The following SYN3 variants were observed in gnomAD, a reference collection of about 807,000 sequenced individuals.
SYN3 encodes the protein synapsin-3.
Under a neutral mutation model 65.8 loss-of-function variants are expected in SYN3, and 35 were observed. The ratio of observed to expected loss-of-function variants is 0.53; its 90% CI spans 0.41 to 0.70. SYN3 has a LOEUF of 0.70. Ranked by LOEUF, SYN3 falls within the 30% of genes least tolerant of loss-of-function variation. SYN3 has a pLI of 0.00. For synonymous variants in SYN3, 270 were observed against 292.9 expected (o/e 0.92, Z 0.80); for missense variants, 680 against 749.0 (o/e 0.91, Z 1.08).
chr22:32,793,500 T>A (rs2046365654), intron 6 of SYN3, among the ~76,000 whole-genome samples: 1 of 152,210 alleles, frequency 6.6e-6, no homozygotes, highest in East Asian at 1.9e-4. Context: ...TTCCACCAAC[T>A]ATTATTTTCT....
At chr22:32,754,445 C>A (rs115371528) in intron 6 of SYN3, among the ~76,000 whole-genome samples, 1,564 of 149,248 alleles carry the variant, frequency 0.01, 30 homozygotes, top group African/African-American at 0.036. Context: ...AGCCACTGCA[C>A]CTGGCCTCTT....
intron 7 of SYN3, among the ~76,000 whole-genome samples, chr22:32,581,792 C>CTTTTCTTTTTTTT (rs2058948066): frequency 1.2e-5 from 1 of 84,320 alleles, no homozygotes; most frequent in African/African-American, 4.5e-5. Flanking sequence ...TTCTTTCTTT[C>CTTTTCTTTTTTTT]TTTTTTTTTT....
chr22:32,760,774 G>C (rs939316278), intron 6 of SYN3, among the ~76,000 whole-genome samples: 3 of 152,214 alleles, frequency 2.0e-5, no homozygotes, highest in African/African-American at 7.2e-5. Context: ...TCAAATGCCA[G>C]GGGTACTGGG....
At chr22:33,033,670 T>C (rs78569793) in intron 1 of SYN3, among the ~76,000 whole-genome samples, 4,937 of 152,210 alleles carry the variant, frequency 0.032, 119 homozygotes, top group Non-Finnish European at 0.045. Context: ...CAGGAGGTCA[T>C]GGGCTCTGGG....
intron 4 of SYN3, among the ~76,000 whole-genome samples, chr22:32,888,630 A>C (rs1334244205): frequency 6.6e-6 from 1 of 152,198 alleles, no homozygotes; most frequent in Admixed American, 6.5e-5. Flanking sequence ...GAGGAGGTGA[A>C]GCAGGAATGC....
chr22:32,824,548 T>A (rs2047346285), intron 6 of SYN3, among the ~76,000 whole-genome samples: 1 of 151,838 alleles, frequency 6.6e-6, no homozygotes, highest in South Asian at 2.1e-4. Flanking sequence ...TAAAATGGAG[T>A]GTATATATGT....
intron 6 of SYN3, among the ~76,000 whole-genome samples, chr22:32,636,229 G>A (rs995749784): frequency 4.0e-5 from 6 of 150,560 alleles, no homozygotes; most frequent in African/African-American, 9.8e-5. Flanking sequence ...GTGAAACCCC[G>A]TCTCTACTAA....
At chr22:33,051,399 T>C (rs2054162694) in intron 1 of SYN3, among the ~76,000 whole-genome samples, 1 of 152,184 alleles carries the variant, frequency 6.6e-6, no homozygotes, top group South Asian at 2.1e-4. Context: ...TGAAGGTCAG[T>C]GGTTCTTGCT....
In SYN3 at chr22:32,535,357, C is replaced by G. The variant is rs1044561922; in HGVS notation, c.993-1462G>C. 2.0e-5 allele frequency among the ~76,000 whole-genome samples: 3 copies of G among 152,176 alleles called. No individual in the cohort carries two copies. The East Asian group carries it at 5.8e-4, about 29-fold the overall frequency. On this transcript the variant is annotated intron_variant, in intron 9 of 13. Transcript: ENST00000358763. ...GATTCTGGTTGTACATCAGAATCAC[C>G]AGGAGAGTTAAACGCACAAACAGCC...
At chr22:32,645,136 C>T (rs1908036052) in intron 6 of SYN3, among the ~76,000 whole-genome samples, 1 of 152,150 alleles carries the variant, frequency 6.6e-6, no homozygotes, top group South Asian at 2.1e-4. Flanking sequence ...AAACACTTTT[C>T]CTAAGAAAAT....
chr22:32,942,772 C>T (rs2050979904), intron 3 of SYN3, among the ~76,000 whole-genome samples: 1 of 152,198 alleles, frequency 6.6e-6, no homozygotes, highest in African/African-American at 2.4e-5. Flanking sequence ...AGCTGAAAAC[C>T]ATGGCACGAG....
chr22:32,990,752 T>G (rs1450783771), intron 2 of SYN3, among the ~76,000 whole-genome samples: 3 of 152,152 alleles, frequency 2.0e-5, no homozygotes, highest in African/African-American at 7.2e-5. Flanking sequence ...TTGTATACTT[T>G]TAAAATAGAA....
chr22:32,900,975 C>G (rs899045248), intron 4 of SYN3, among the ~76,000 whole-genome samples: 7 of 152,198 alleles, frequency 4.6e-5, no homozygotes, highest in African/African-American at 1.7e-4. Flanking sequence ...ATAGATGTAT[C>G]TAGCATACAG....
intron 2 of SYN3, among the ~76,000 whole-genome samples, chr22:32,991,530 G>C (rs898148214): frequency 6.6e-6 from 1 of 152,142 alleles, no homozygotes; most frequent in African/African-American, 2.4e-5. Context: ...GCCCAACACA[G>C]TTCCCAGTGC....
chr22:33,004,209 C>T (rs1029471743), intron 2 of SYN3, among the ~76,000 whole-genome samples: 13 of 152,200 alleles, frequency 8.5e-5, no homozygotes, highest in African/African-American at 3.1e-4. Flanking sequence ...CACACAGAGT[C>T]CCCACTGTGG....
chr22:32,853,137 T>A (rs919170840), intron 6 of SYN3, among the ~76,000 whole-genome samples: 1 of 152,208 alleles, frequency 6.6e-6, no homozygotes, highest in African/African-American at 2.4e-5. Flanking sequence ...TTTGAAGCTC[T>A]AGCTGGAAGC....
At chr22:33,033,529 T>G (rs951858688) in intron 1 of SYN3, among the ~76,000 whole-genome samples, 1 of 152,066 alleles carries the variant, frequency 6.6e-6, no homozygotes, top group African/African-American at 2.4e-5. Context: ...CCAGAGGGCT[T>G]TATTTCCTGT....
At chr22:32,922,005 A>T (rs193045705) in intron 4 of SYN3, among the ~76,000 whole-genome samples, 6 of 152,292 alleles carry the variant, frequency 3.9e-5, no homozygotes, top group African/African-American at 1.4e-4. Flanking sequence ...CCATTTCATG[A>T]GTTCGTAACA....
intron 4 of SYN3, among the ~76,000 whole-genome samples, chr22:32,916,640 T>G (rs1353087168): frequency 6.6e-6 from 1 of 152,204 alleles, no homozygotes; most frequent in South Asian, 2.1e-4. Context: ...GTGGGGTCTG[T>G]AGACCCCTGG....
Sources: allele counts gnomAD v4.1 joint callset (sites outside exome capture counted in the v4.1 genomes callset), GRCh38; gene constraint gnomAD v4.1.1; transcripts MANE v1.5; gene names NCBI Gene and HGNC (gene_info 2026-07-23, HGNC 2026-07-21).